WDR44: variants seen among roughly 807,000 people sequenced by gnomAD.
WDR44 encodes the protein WD repeat domain 44.
A neutral mutation model predicts 65.7 loss-of-function variants in WDR44; 9 were observed. The ratio of observed to expected loss-of-function variants is 0.14; its 90% confidence interval spans 0.08 to 0.24. The LOEUF is 0.24. WDR44 is among the 10% of genes least tolerant of loss of function. The probability of loss-of-function intolerance (pLI) is 1.00; values close to 1 mark genes in which losing one functional copy is unlikely to be tolerated. For missense variants in WDR44, 425 were observed against 670.9 expected (o/e 0.63, Z 4.05); for synonymous variants, 220 against 235.2 (o/e 0.94, Z 0.59).
chrX:118,368,460 T>C (rs1465056827), intron 1 of WDR44, among the ~76,000 whole-genome samples: 1 of 60,818 alleles, frequency 1.6e-5, no homozygotes, highest in Non-Finnish European at 2.4e-5. Flanking sequence ...AAATAGTGAC[T>C]ATATATATAT....
chrX:118,378,912 C>T (rs1420296891), intron 2 of WDR44, among the ~76,000 whole-genome samples: 9 of 107,034 alleles, frequency 8.4e-5, no homozygotes, highest in African/African-American at 1.7e-4. Flanking sequence ...GGTGTGGTGG[C>T]GCAGACCTGT....
chrX:118,437,696 C>T (rs1159293683), intron 14 of WDR44, among the ~76,000 whole-genome samples: 1 of 112,008 alleles, frequency 8.9e-6, no homozygotes, highest in Non-Finnish European at 1.9e-5. Context: ...TACTTTCCTT[C>T]CCTGAGCAGG....
At chrX:118,431,129 T>C (rs2057206780) in intron 12 of WDR44, among the ~76,000 whole-genome samples, 1 of 111,539 alleles carries the variant, frequency 9.0e-6, no homozygotes, top group African/African-American at 3.3e-5. Flanking sequence ...ATTGACTGCT[T>C]TTCCTGCCTC....
In WDR44 at chrX:118,444,412, G is replaced by A; in HGVS notation, c.2565G>A (p.Met855Ile). Residue 855 changes from methionine (M) to isoleucine (I), a missense_variant, in exon 19 of 20, where the codon ATG (methionine) becomes ATA (isoleucine). Physicochemically the swap from Met to Ile is conservative, Grantham distance 10. This residue lies in a region of WDR44 where 37 missense variants were observed against 40.9 expected (regional missense o/e 0.90). Coordinates refer to ENST00000254029, the MANE Select transcript of WDR44 (RefSeq NM_019045.5). ...TCTTTGCACCAAACCCAAGTTTGAT[G>A]TTATCTTTGGATGTGCAATCTGAAA... is the stretch of plus-strand genomic sequence containing the variant. The part of the protein sequence containing the change: ...SAIFAPNPSL[M>I]LSLDVQSEKS... The A allele has an allele frequency of 8.3e-7, 1 of 1,211,012 alleles. No homozygotes were observed. The highest frequency in any genetic ancestry group is 1.1e-6 in the Non-Finnish European group (1 of 895,037).
chrX:118,415,820 T>A (rs1248392920), intron 12 of WDR44, among the ~76,000 whole-genome samples: 6 of 112,079 alleles, frequency 5.4e-5, no homozygotes, highest in Non-Finnish European at 9.4e-5. Flanking sequence ...GGACTGTTTT[T>A]TTTGTTGATA....
intron 1 of WDR44, among the ~76,000 whole-genome samples, chrX:118,372,054 C>T (rs1455786624): frequency 3.0e-5 from 3 of 100,450 alleles, no homozygotes; most frequent in Non-Finnish European, 4.0e-5. Flanking sequence ...TTCTAGTTAA[C>T]TAGATGTAGC....
intron 19 of WDR44, among the ~76,000 whole-genome samples, chrX:118,447,907 T>TATATATAC (rs2057361250): frequency 1.0e-5 from 1 of 97,769 alleles, no homozygotes; most frequent in Non-Finnish European, 2.0e-5. Context: ...TATATATATA[T>TATATATAC]ATATATACTT....
At chrX:118,396,498 A>G (rs2056867197) in intron 6 of WDR44, among the ~76,000 whole-genome samples, 1 of 112,601 alleles carries the variant, frequency 8.9e-6, no homozygotes, top group Non-Finnish European at 1.9e-5. Flanking sequence ...GGGATAAAGT[A>G]CTGATACATG....
chrX:118,441,730 T>G (rs1454284345), intron 15 of WDR44, among the ~76,000 whole-genome samples, 171 bp downstream of exon 15: 1 of 111,557 alleles, frequency 9.0e-6, no homozygotes, highest in Non-Finnish European at 1.9e-5. Context: ...AGATGTCTTC[T>G]AATTCTAATT....
chrX:118,372,463 G>C (rs1479723149), intron 1 of WDR44, among the ~76,000 whole-genome samples: 1 of 111,599 alleles, frequency 9.0e-6, no homozygotes, highest in Non-Finnish European at 1.9e-5. Context: ...TTTTTGAGTT[G>C]TCTAAGGATA....
At chrX:118,441,829 C>T (rs1177382888) in intron 15 of WDR44, among the ~76,000 whole-genome samples, 5 of 111,748 alleles carry the variant, frequency 4.5e-5, no homozygotes, top group African/African-American at 1.6e-4. Flanking sequence ...CAACCTCTAC[C>T]TCCTGGATTC....
At chrX:118,366,301 T>A (rs781435670) in intron 1 of WDR44, among the ~76,000 whole-genome samples, 3 of 112,161 alleles carry the variant, frequency 2.7e-5, no homozygotes, top group Admixed American at 9.5e-5. Flanking sequence ...GTATTTTTTT[T>A]AAATCTTAGC....
intron 3 of WDR44, 94 bp downstream of exon 3, chrX:118,387,508 T>C: frequency 3.6e-6 from 2 of 553,174 alleles, no homozygotes; most frequent in Non-Finnish European, 5.5e-6. Flanking sequence ...AGTATAGCGC[T>C]CTGTACATGG....
intron 1 of WDR44, among the ~76,000 whole-genome samples, chrX:118,356,214 C>T (rs951510791): frequency 2.7e-5 from 3 of 111,783 alleles, no homozygotes; most frequent in African/African-American, 6.5e-5. Flanking sequence ...TAATTGATTA[C>T]GGCATGGTAG....
intron 3 of WDR44, among the ~76,000 whole-genome samples, chrX:118,388,210 G>T (rs746428576): frequency 1.8e-5 from 2 of 111,821 alleles, no homozygotes; most frequent in Admixed American, 1.9e-4. Context: ...TCTGGGAAGG[G>T]GTATGGAACA....
chrX:118,348,022 A>ACAC (rs1272653970), intron 1 of WDR44, among the ~76,000 whole-genome samples: 1 of 110,871 alleles, frequency 9.0e-6, no homozygotes, highest in Non-Finnish European at 1.9e-5. Context: ...ATTGAATGAG[A>ACAC]CACCAAGTCC....
At chrX:118,395,160 T>C (rs970656727) in intron 5 of WDR44, 89 bp from the exon 6 acceptor site, 1 of 837,738 alleles carries the variant, frequency 1.2e-6, no homozygotes, top group Non-Finnish European at 1.7e-6. Context: ...ATCTGAATTA[T>C]GAAATTCTTT....
At chrX:118,380,720 A>G (rs995923550) in intron 2 of WDR44, among the ~76,000 whole-genome samples, 7 of 112,075 alleles carry the variant, frequency 6.2e-5, no homozygotes, top group Non-Finnish European at 1.3e-4. Context: ...AGGGCAATTT[A>G]TGAGGTCTCG....
chrX:118,360,007 T>C (rs1466389700), intron 1 of WDR44, among the ~76,000 whole-genome samples: 1 of 112,310 alleles, frequency 8.9e-6, no homozygotes, highest in Non-Finnish European at 1.9e-5. Context: ...TAATTTATGA[T>C]TGCCTAGCAC....
Sources: gnomAD v4.1 joint callset for allele counts (sites outside exome capture counted in the v4.1 genomes callset) on GRCh38, gnomAD v4.1.1 for gene constraint, gnomAD v4.1.1 regional missense constraint, MANE v1.5 for transcripts, NCBI Gene and HGNC (gene_info 2026-07-23, HGNC 2026-07-21) for gene names.